Variants in SLC38A4 observed in about 807,000 individuals in gnomAD.
SLC38A4 encodes the protein solute carrier family 38 member 4.
SLC38A4 carries 20 observed loss-of-function variants against 63.1 expected under a neutral mutation model. The observed-to-expected ratio is 0.32, with a 90% CI of 0.22 to 0.46. SLC38A4 has a LOEUF of 0.46. SLC38A4 is among the 20% of genes least tolerant of loss of function. SLC38A4 has a pLI of 1.00. For missense variants in SLC38A4, 526 were observed against 663.6 expected (o/e 0.79, Z 2.28); for synonymous variants, 230 against 225.5 (o/e 1.02, Z -0.18).
rs12227634 is a variant in SLC38A4, at chr12:46,808,728, A to G, written c.-304-4934T>C. ...TCTATAGGACTTATGGGTGATTACA[A>G]CTTAAATAATGTACTGAAATTCTAA... On this transcript the variant is annotated intron_variant, in intron 1 of 16. Coordinates refer to ENST00000266579, the MANE Select transcript of SLC38A4 (RefSeq NM_018018.5). Among the ~76,000 whole-genome samples the G allele has an allele frequency of 7.0e-4, 106 of 152,172 alleles. 1 individual carries two copies. The East Asian group carries it at 0.02, about 28-fold the overall frequency.
chr12:46,816,113 AC>A (rs1243596712), intron 1 of SLC38A4, among the ~76,000 whole-genome samples: 2 of 151,924 alleles, frequency 1.3e-5, no homozygotes, highest in Non-Finnish European at 2.9e-5. Context: ...GATAAAGAAA[AC>A]TTTTTCTTTT....
intron 5 of SLC38A4, among the ~76,000 whole-genome samples, chr12:46,787,151 T>C (rs17097286): frequency 0.049 from 7,480 of 152,236 alleles, 474 homozygotes; most frequent in East Asian, 0.26. Flanking sequence ...TACGTAGGTT[T>C]AGGAATAAGG....
intron 1 of SLC38A4, among the ~76,000 whole-genome samples, chr12:46,809,492 C>T (rs1939299266): frequency 6.6e-6 from 1 of 152,056 alleles, no homozygotes; most frequent in Admixed American, 6.6e-5. Context: ...TGCTGGACTC[C>T]AAGCAACTCC....
At position 46,793,059 on chromosome 12, in the gene SLC38A4, C is replaced by T; in HGVS notation, c.13G>A (p.Glu5Lys). The T allele has an allele frequency of 1.2e-6, 2 of 1,612,628 alleles. No individual in the cohort carries two copies. Among genetic ancestry groups the T allele is most frequent in the East Asian group, 4.5e-5 (2 of 44,826 alleles). The part of the protein sequence containing the change: MDPM[E>K]LRNVNIEPDD... ...GGTTCGATGTTGACATTTCTCAGTT[C>T]CATGGGATCCATTTGAGCTGTCAGC... The change falls in exon 3 of 17, where the codon GAA (glutamate) becomes AAA (lysine). Residue 5 changes from glutamate (E) to lysine (K), a missense_variant. By Grantham distance (56) the Glu-to-Lys change is moderately conservative. Transcript: ENST00000266579.
At chr12:46,777,062 T>G in intron 12 of SLC38A4, 58 bp from the exon 13 acceptor site, 2 of 1,385,032 alleles carry the variant, frequency 1.4e-6, no homozygotes, top group Non-Finnish European at 2.0e-6. Flanking sequence ...AAAATCACTT[T>G]TCAAAATGAA....
rs1938618789 is a variant in SLC38A4, at chr12:46,780,596, CAAA to C, written c.494-569_494-567del. On this transcript the variant is annotated intron_variant, in intron 7 of 16. Coordinates refer to ENST00000266579, the MANE Select transcript of SLC38A4 (RefSeq NM_018018.5). ...GATGACAGCTTCTCTCCATCTTTGTCAAAGAAGTTTTTTTTTTTCCCCCCTCTT... is the reference window on the plus strand; with the variant it reads ...GATGACAGCTTCTCTCCATCTTTGTCGAAGTTTTTTTTTTTCCCCCCTCTT... Among the ~76,000 whole-genome samples the C allele has an allele frequency of 8.3e-5, 11 of 132,250 alleles. No individual in the cohort carries two copies. The South Asian group carries it at 2.9e-3, about 35-fold the overall frequency. The allele number at this position is 132,250 out of a possible 152,430, so 86.8% of individuals were successfully genotyped here.
intron 7 of SLC38A4, 28 bp downstream of exon 7, chr12:46,784,514 G>T (rs557813970): frequency 1.3e-6 from 2 of 1,553,992 alleles, no homozygotes; most frequent in Non-Finnish European, 8.8e-7. Flanking sequence ...AAAGTTTATG[G>T]GATCCATTGA....
At chr12:46,831,792 C>T (rs557430874) in intron 1 of SLC38A4, among the ~76,000 whole-genome samples, 1 of 152,338 alleles carries the variant, frequency 6.6e-6, no homozygotes, top group East Asian at 1.9e-4. Flanking sequence ...CGGGTAACAC[C>T]TTGCCAGCAG....
chr12:46,822,903 A>G (rs1182289224), intron 1 of SLC38A4, among the ~76,000 whole-genome samples: 1 of 152,240 alleles, frequency 6.6e-6, no homozygotes, highest in African/African-American at 2.4e-5. Context: ...CAATGTGGGT[A>G]CCATGATAAT....
intron 11 of SLC38A4, 44 bp from the exon 12 acceptor site, chr12:46,778,412 G>C: frequency 7.4e-6 from 12 of 1,611,054 alleles, no homozygotes; most frequent in Non-Finnish European, 1.0e-5. Flanking sequence ...TTCCAACATA[G>C]ATGGTGATCT....
intron 1 of SLC38A4, among the ~76,000 whole-genome samples, chr12:46,811,389 A>T (rs1316626252): frequency 6.6e-6 from 1 of 151,928 alleles, no homozygotes; most frequent in East Asian, 1.9e-4. Context: ...GAAAGAACAA[A>T]TAGAAGTTGG....
intron 2 of SLC38A4, among the ~76,000 whole-genome samples, chr12:46,798,612 G>A (rs543870193): frequency 6.6e-6 from 1 of 152,266 alleles, no homozygotes; most frequent in Admixed American, 6.5e-5. Context: ...TTCAGTTAAA[G>A]TCTGTTCTAC....
rs1465576064 is a variant in SLC38A4 at position 46,822,167 on chromosome 12, C to T, written c.-305+3736G>A. ...CACACCCCTTAATTCGCTTTTTTGA[C>T]ATCTTTGGGAGGGTGTTATTTTGAC... is the stretch of plus-strand genomic sequence containing the variant. On this transcript the variant is annotated intron_variant, in intron 1 of 16. Transcript: ENST00000266579. 2.0e-5 allele frequency among the ~76,000 whole-genome samples: 3 copies of T among 152,088 alleles called. No homozygotes were observed. In the East Asian group the frequency reaches 5.8e-4, roughly 29 times the overall value.
At chr12:46,775,735 A>T (rs180416) in intron 13 of SLC38A4, among the ~76,000 whole-genome samples, 2 of 151,884 alleles carry the variant, frequency 1.3e-5, no homozygotes, top group South Asian at 2.1e-4. Flanking sequence ...TATAAGTAAC[A>T]TGCAGGGATA....
chr12:46,769,548 T>C lies in SLC38A4; in HGVS notation c.1300-120A>G, dbSNP rs922526738. ...CTTTTCTTTTTTCCCAGAAAAGATG[T>C]TGATGCTTTTTTCAATTTTTTTATT... On this transcript the variant is annotated intron_variant, in intron 14 of 16. Coordinates refer to ENST00000266579, the MANE Select transcript of SLC38A4 (RefSeq NM_018018.5). 22 of 1,104,284 alleles carry C rather than the reference T, an allele frequency of 2.0e-5. No homozygotes were observed. In the African/African-American group the frequency reaches 2.8e-4, roughly 14 times the overall value. 68.4% of individuals were successfully genotyped at this position (1,104,284 alleles called of 1,614,324 possible).
chr12:46,778,492 C>G lies in SLC38A4; in HGVS notation c.993+9G>C. Reference sequence around the variant, plus strand: ...CTGTACTCATTAGAAGCCCGGACCGCTCACTTACCCGGGAGTTGAATACAA... The same window carrying G: ...CTGTACTCATTAGAAGCCCGGACCGGTCACTTACCCGGGAGTTGAATACAA... On this transcript the variant is annotated intron_variant, in intron 11 of 16. Coordinates refer to ENST00000266579, the MANE Select transcript of SLC38A4 (RefSeq NM_018018.5). 6.2e-7 allele frequency: 1 copy of G among 1,610,360 alleles called. No individual in the cohort carries two copies. The highest frequency in any genetic ancestry group is 8.5e-7 in the Non-Finnish European group (1 of 1,177,228).
rs552752461 is a variant in SLC38A4, at chr12:46,778,805, A to C, written c.718-29T>G. On this transcript the variant is annotated intron_variant, in intron 10 of 16. Coordinates refer to ENST00000266579, the MANE Select transcript of SLC38A4 (RefSeq NM_018018.5). Reference sequence around the variant, plus strand: ...GACTCAGTCATTAAAAAAGAAAAAAAAATCAGCTTTTTGAGAAAAAACAAT... The same window carrying C: ...GACTCAGTCATTAAAAAAGAAAAAACAATCAGCTTTTTGAGAAAAAACAAT... The C allele has an allele frequency of 1.8e-5, 29 of 1,594,394 alleles. No individual in the cohort carries two copies. The African/African-American group carries it at 3.0e-4, about 16-fold the overall frequency.
intron 14 of SLC38A4, among the ~76,000 whole-genome samples, chr12:46,771,289 C>A (rs1938410826): frequency 6.6e-6 from 1 of 152,010 alleles, no homozygotes; most frequent in Non-Finnish European, 1.5e-5. Context: ...ATACATAGTG[C>A]CAGAGGACTT....
chr12:46,778,203 TA>T, intron 12 of SLC38A4, 85 bp downstream of exon 12: 1 of 1,302,608 alleles, frequency 7.7e-7, no homozygotes, highest in Non-Finnish European at 1.1e-6. Flanking sequence ...GAGGAAGCTA[TA>T]AACTGTGTTT....
Sources: allele counts gnomAD v4.1 joint callset (sites outside exome capture counted in the v4.1 genomes callset), GRCh38; gene constraint gnomAD v4.1.1; transcripts MANE v1.5; gene names NCBI Gene and HGNC (gene_info 2026-07-23, HGNC 2026-07-21).